STARD9: variants seen among roughly 807,000 people sequenced by gnomAD.
STARD9 encodes stAR-related lipid transfer protein 9.
Under a neutral mutation model 399.8 loss-of-function variants are expected in STARD9, and 346 were observed. The ratio of observed to expected loss-of-function variants is 0.87; its 90% CI spans 0.79 to 0.95. The LOEUF (loss-of-function observed/expected upper bound fraction) is 0.95, where lower values mean the gene tolerates loss of function less well. Among genes scored for constraint, STARD9 ranks in the 40% least tolerant of loss-of-function variants. The probability of loss-of-function intolerance (pLI) is 0.00; values close to 1 mark genes in which losing one functional copy is unlikely to be tolerated. For missense variants in STARD9, 5,832 were observed against 5,667.5 expected (o/e 1.03, Z -0.93); for synonymous variants, 2,203 against 2,143.5 (o/e 1.03, Z -0.77).
At chr15:42,601,218 G>T (rs967418990) in intron 3 of STARD9, among the ~76,000 whole-genome samples, 6 of 152,126 alleles carry the variant, frequency 3.9e-5, no homozygotes, top group Non-Finnish European at 8.8e-5. Flanking sequence ...CAAGGCAGAA[G>T]AATTTTTCTT....
intron 3 of STARD9, among the ~76,000 whole-genome samples, chr15:42,622,369 GTC>G (rs1168725671): frequency 2.0e-5 from 3 of 151,360 alleles, no homozygotes; most frequent in African/African-American, 2.4e-5. Flanking sequence ...CTCTCTCTCT[GTC>G]TCTCTCTTTT....
At chr15:42,654,030 G>A (rs747150418) in intron 9 of STARD9, among the ~76,000 whole-genome samples, 1 of 152,124 alleles carries the variant, frequency 6.6e-6, no homozygotes, top group African/African-American at 2.4e-5. Context: ...GATATGTATT[G>A]TAATCTGTAG....
chr15:42,640,341 T>TA (rs2059509349), intron 7 of STARD9, among the ~76,000 whole-genome samples: 1 of 152,230 alleles, frequency 6.6e-6, no homozygotes, highest in Non-Finnish European at 1.5e-5. Context: ...TTCTGCTACC[T>TA]ATGTCTTTTC....
rs1046036740 is a variant in STARD9, at chr15:42,686,918, G to T, written c.5340G>T (p.Trp1780Cys). The change falls in exon 23 of 33, where the codon TGG becomes TGT. Residue 1780 changes from tryptophan to cysteine, a missense_variant. This residue lies in a region of STARD9 where 5,828 missense variants were observed against 5,651.1 expected (regional missense o/e 1.03). Transcript: ENST00000290607. Reference sequence around the variant, plus strand: ...CCTCCCCACCCCCCAGGGAAGCCTGGGGCTTTGGTCACAACCACCAAGCTC... The same window carrying T: ...CCTCCCCACCCCCCAGGGAAGCCTGTGGCTTTGGTCACAACCACCAAGCTC... Reference protein sequence around the residue: ...RVPSPPPREAWGFGHNHQALQ... With the variant: ...RVPSPPPREACGFGHNHQALQ... 31 of 1,536,638 alleles carry T rather than the reference G, an allele frequency of 2.0e-5. No individual in the cohort carries two copies. The highest frequency in any genetic ancestry group is 1.5e-4 in the East Asian group (6 of 40,914).
rs1488697659 is a variant in STARD9 at position 42,691,856 on chromosome 15, G to A, written c.10278G>A (p.Met3426Ile). Residue 3426 changes from methionine to isoleucine, a missense_variant, in exon 23 of 33, where the codon ATG (methionine) becomes ATA (isoleucine). Transcript: ENST00000290607. ...CCCCTGATTTCACGACCAGCTGGAT[G>A]TCTGGTACTTTGGAACAAGCCCAAC... ...MPTPDFTTSW[M>I]SGTLEQAQQG... is the part of the protein sequence containing the mutation. 2.6e-6 allele frequency: 4 copies of A among 1,537,302 alleles called. No homozygotes were observed. The highest frequency in any genetic ancestry group is 3.5e-6 in the Non-Finnish European group (4 of 1,146,922).
intron 26 of STARD9, among the ~76,000 whole-genome samples, chr15:42,713,375 C>G (rs2061286611): frequency 6.6e-6 from 1 of 152,078 alleles, no homozygotes; most frequent in Non-Finnish European, 1.5e-5. Context: ...ATCATGTCAT[C>G]TGCCTTTTTT....
intron 3 of STARD9, among the ~76,000 whole-genome samples, chr15:42,592,956 T>A (rs182882061): frequency 3.5e-4 from 53 of 152,324 alleles, no homozygotes; most frequent in African/African-American, 1.3e-3. Context: ...GCAAGTTGCT[T>A]ATCCTCTTTG....
At chr15:42,704,732 T>C (rs898531514) in intron 26 of STARD9, among the ~76,000 whole-genome samples, 1 of 152,318 alleles carries the variant, frequency 6.6e-6, no homozygotes, top group Non-Finnish European at 1.5e-5. Flanking sequence ...TTTGTTGTTG[T>C]GGGCTTGGTA....
chr15:42,602,826 A>T (rs983648721), intron 3 of STARD9, among the ~76,000 whole-genome samples: 1 of 152,210 alleles, frequency 6.6e-6, no homozygotes, highest in African/African-American at 2.4e-5. Context: ...ACAAAGTTGC[A>T]AATGAAGCCA....
chr15:42,693,810 T>A lies in STARD9; in HGVS notation c.12232T>A (p.Ser4078Thr), dbSNP rs2060774920. 1.3e-6 allele frequency: 2 copies of A among 1,536,366 alleles called. No homozygotes were observed. The highest frequency in any genetic ancestry group is 1.7e-6 in the Non-Finnish European group (2 of 1,146,650). Reference sequence around the variant, plus strand: ...ACAACGCACTCTGGACCGACCTTCTTCATGGGGAGGCCTCCAGCACCTCAG... The same window carrying A: ...ACAACGCACTCTGGACCGACCTTCTACATGGGGAGGCCTCCAGCACCTCAG... ...EPQRTLDRPS[S>T]WGGLQHLSPC... Residue 4078 changes from serine (S) to threonine (T), a missense_variant, in exon 23 of 33, where the codon TCA (serine) becomes ACA (threonine). Around this residue, in one of 2 missense-constraint regions of STARD9, gnomAD observed 5,828 missense variants for 5,651.1 expected, o/e 1.03. Coordinates refer to ENST00000290607, the MANE Select transcript of STARD9 (RefSeq NM_020759.3).
intron 1 of STARD9, chr15:42,581,123 A>C (rs1183271496): frequency 1.4e-6 from 1 of 724,030 alleles, no homozygotes; most frequent in Non-Finnish European, 2.6e-6. Flanking sequence ...CTTGCAGGAG[A>C]GTCAGATGCC....
Position 42,583,395 on chromosome 15 carries a change from G to T in STARD9, c.97G>T (p.Ala33Ser). ...RIIVEVDGKVAKIRNLKVDNR... is the reference protein window; with the variant it reads ...RIIVEVDGKVSKIRNLKVDNR... ...TATTGTGGAAGTTGATGGCAAAGTG[G>T]CAAAAATCAGGAATTTAAAGGTAAG... Residue 33 changes from alanine (A) to serine (S), a missense_variant, in exon 2 of 33, where the codon GCA becomes TCA. Coordinates refer to ENST00000290607, the MANE Select transcript of STARD9 (RefSeq NM_020759.3). 1 of 1,536,846 alleles carries T rather than the reference G, an allele frequency of 6.5e-7. No individual in the cohort carries two copies. Among genetic ancestry groups the T allele is most frequent in the East Asian group, 2.4e-5 (1 of 40,912 alleles).
chr15:42,718,757 C>T lies in STARD9; in HGVS notation c.13848C>T (p.His4616=). The part of the protein sequence containing the change: ...CCVCVEAKEG[H]LSVMAAQSVY... ...CCATTTCCCTCTGTCCCCAGGGTCA[C>T]CTGTCTGTCATGGCAGCCCAGTCTG... Residue 4616 remains histidine (H), a synonymous_variant, in exon 32 of 33, where the codon CAC becomes CAT. Coordinates refer to ENST00000290607, the MANE Select transcript of STARD9 (RefSeq NM_020759.3). The T allele has an allele frequency of 6.5e-7, 1 of 1,537,228 alleles. No homozygotes were observed. The highest frequency in any genetic ancestry group is 1.2e-5 in the South Asian group (1 of 84,060).
At chr15:42,710,984 T>C (rs2061206066) in intron 26 of STARD9, among the ~76,000 whole-genome samples, 2 of 151,840 alleles carry the variant, frequency 1.3e-5, no homozygotes, top group South Asian at 4.2e-4. Flanking sequence ...TTTTTTTTAA[T>C]TTAACTTTTT....
intron 13 of STARD9, 70 bp from the exon 14 acceptor site, chr15:42,665,183 T>A: frequency 7.9e-7 from 1 of 1,266,410 alleles, no homozygotes; most frequent in Non-Finnish European, 1.1e-6. Flanking sequence ...CCCAGCCAAT[T>A]GCAACTAGCA....
rs1335089290 is a variant in STARD9 at position 42,575,610 on chromosome 15, G to T, written c.-106G>T. 1 of 1,282,708 alleles carries T rather than the reference G, an allele frequency of 7.8e-7. No homozygotes were observed. The highest frequency in any genetic ancestry group is 1.1e-6 in the Non-Finnish European group (1 of 938,416). The allele number at this position is 1,282,708 out of a possible 1,614,324, so 79.5% of individuals were successfully genotyped here. ...CGTCCGCGCGGCGGCGTCCCCAGAG[G>T]CGCGTGGGGCGGGCGGGGCTGGGTT... On this transcript the variant is annotated 5_prime_UTR_variant, in exon 1 of 33. Coordinates refer to ENST00000290607, the MANE Select transcript of STARD9 (RefSeq NM_020759.3).
chr15:42,635,911 A>T (rs1303558370), intron 4 of STARD9, among the ~76,000 whole-genome samples: 3 of 152,218 alleles, frequency 2.0e-5, no homozygotes, highest in Non-Finnish European at 4.4e-5. Flanking sequence ...TTTCAAAAGT[A>T]TGCAGGATTT....
At chr15:42,611,212 T>G (rs577859075) in intron 3 of STARD9, among the ~76,000 whole-genome samples, 22 of 152,352 alleles carry the variant, frequency 1.4e-4, no homozygotes, top group African/African-American at 5.1e-4. Context: ...GCCATGTCCA[T>G]TAGTTTATGT....
At chr15:42,637,105 T>C (rs1216113116) in intron 4 of STARD9, among the ~76,000 whole-genome samples, 2 of 151,054 alleles carry the variant, frequency 1.3e-5, no homozygotes, top group East Asian at 1.9e-4. Flanking sequence ...AATTGGCCAC[T>C]AAACGAAAAG....
Sources: gnomAD v4.1 joint callset for allele counts (sites outside exome capture counted in the v4.1 genomes callset) on GRCh38, gnomAD v4.1.1 for gene constraint, gnomAD v4.1.1 regional missense constraint, MANE v1.5 for transcripts, NCBI Gene and HGNC (gene_info 2026-07-23, HGNC 2026-07-21) for gene names.